The following CEACAM7 variants were observed in gnomAD, a reference collection of about 807,000 sequenced individuals.
The protein encoded by CEACAM7 is cell adhesion molecule CEACAM7.
A neutral mutation model predicts 25.7 loss-of-function variants in CEACAM7; 24 were observed. The observed-to-expected ratio is 0.93, with a 90% CI of 0.68 to 1.31. The LOEUF is 1.31. Ranked by LOEUF, CEACAM7 falls within the 40% of genes most tolerant of loss-of-function variation. The pLI is 0.00. For synonymous variants in CEACAM7, 144 were observed against 129.4 expected (o/e 1.11, Z -0.77); for missense variants, 324 against 330.1 (o/e 0.98, Z 0.14).
At chr19:41,682,437 C>T (rs1307676050) in intron 3 of CEACAM7, among the ~76,000 whole-genome samples, 1 of 152,204 alleles carries the variant, frequency 6.6e-6, no homozygotes, top group Non-Finnish European at 1.5e-5. Flanking sequence ...GTGCTCTGTG[C>T]TGTGTCCACA....
At chr19:41,681,994 G>A (rs1486284728) in intron 3 of CEACAM7, among the ~76,000 whole-genome samples, 1 of 152,136 alleles carries the variant, frequency 6.6e-6, no homozygotes, top group Non-Finnish European at 1.5e-5. Context: ...CACCGAGGCT[G>A]GAATTCAATG....
chr19:41,675,949 A>G (rs183928298), intron 4 of CEACAM7, among the ~76,000 whole-genome samples: 1 of 152,364 alleles, frequency 6.6e-6, no homozygotes, highest in African/African-American at 2.4e-5. Context: ...TTAACATATC[A>G]ATTAAGGTGA....
chr19:41,678,679 A>AT (rs1555810382), intron 3 of CEACAM7, among the ~76,000 whole-genome samples: 3 of 152,200 alleles, frequency 2.0e-5, no homozygotes. Context: ...CGGATCTAGG[A>AT]TTTGCCTCTA....
Position 41,688,090 on chromosome 19 carries a change from T to C in CEACAM7, c.64+12A>G. 1 of 1,607,400 alleles carries C rather than the reference T, an allele frequency of 6.2e-7. No individual in the cohort carries two copies. The highest frequency in any genetic ancestry group is 8.5e-7 in the Non-Finnish European group (1 of 1,176,340). On this transcript the variant is annotated intron_variant, in intron 1 of 4. Transcript: ENST00000401731. ...CCTCCTCCCACCCACTCCCAGGAAG[T>C]CCTCCCCTCACCTGTGAGCAGGAGC...
rs147954221 is a variant in CEACAM7 at position 41,677,051 on chromosome 19, A to C, written c.*36+325T>G. On this transcript the variant is annotated intron_variant, in intron 4 of 4. Transcript: ENST00000401731. ...AGAAAAGAAGTCAAGCAGGACTTCA[A>C]GCAGTTGTTGAGGTTTATGGGAATG... Among the ~76,000 whole-genome samples the C allele has an allele frequency of 1.9e-3, 295 of 152,340 alleles. 1 individual carries two copies. Among genetic ancestry groups the C allele is most frequent in the African/African-American group, 6.3e-3 (261 of 41,568 alleles).
chr19:41,681,331 G>C (rs1023935077), intron 3 of CEACAM7, among the ~76,000 whole-genome samples: 1 of 152,176 alleles, frequency 6.6e-6, no homozygotes, highest in Non-Finnish European at 1.5e-5. Context: ...GCCGGTGGGA[G>C]TGTGAAATGG....
At chr19:41,684,263 G>A (rs2072205598) in intron 2 of CEACAM7, among the ~76,000 whole-genome samples, 200 bp from the exon 3 acceptor site, 2 of 152,224 alleles carry the variant, frequency 1.3e-5, no homozygotes, top group Admixed American at 1.3e-4. Context: ...TTGTCTTAGA[G>A]AAGCACAGAC....
intron 3 of CEACAM7, 124 bp downstream of exon 3, chr19:41,683,661 C>T: frequency 2.1e-6 from 3 of 1,436,502 alleles, no homozygotes; most frequent in Non-Finnish European, 2.8e-6. Flanking sequence ...AAAGTCATGG[C>T]CAGCCTGGGT....
In CEACAM7 at chr19:41,688,140, T is replaced by C. The variant is rs1555811435; in HGVS notation, c.26A>G (p.Tyr9Cys). 1 of 1,612,110 alleles carries C rather than the reference T, an allele frequency of 6.2e-7. No homozygotes were observed. The highest frequency in any genetic ancestry group is 1.3e-5 in the African/African-American group (1 of 74,956). MGSPSACP[Y>C]RVCIPWQGLL... ...CCCCTGCCAGGGAATGCACACTCTG[T>C]ATGGACAGGCTGAAGGGGACCCCAT... Residue 9 changes from tyrosine to cysteine, a missense_variant, in exon 1 of 5, where the codon TAC (tyrosine) becomes TGC (cysteine). Coordinates refer to ENST00000401731, the MANE Select transcript of CEACAM7 (RefSeq NM_001291485.2).
chr19:41,674,886 A>G (rs2072098892), intron 4 of CEACAM7, 147 bp from the exon 5 acceptor site: 1 of 152,458 alleles, frequency 6.6e-6, no homozygotes, highest in African/African-American at 2.4e-5. Context: ...ATCTGTTTAC[A>G]AAATAGGTAG....
In CEACAM7 at chr19:41,683,970, T is replaced by G. The variant is rs782097578; in HGVS notation, c.521A>C (p.Asn174Thr). Residue 174 changes from asparagine to threonine, a missense_variant, in exon 3 of 5, where the codon AAC becomes ACC. Coordinates refer to ENST00000401731, the MANE Select transcript of CEACAM7 (RefSeq NM_001291485.2). ...VVLTCQPETQ[N>T]TTYLWWVNNQ... ...GTTTACCCACCACAGGTAGGTTGTG[T>G]TCTGAGTCTCAGGTTGACAGGTTAA... 3 of 1,614,082 alleles carry G rather than the reference T, an allele frequency of 1.9e-6. No individual in the cohort carries two copies. In the African/African-American group the frequency reaches 4.0e-5, roughly 22 times the overall value.
intron 2 of CEACAM7, among the ~76,000 whole-genome samples, 156 bp downstream of exon 2, chr19:41,686,703 G>A (rs560121470): frequency 6.6e-6 from 1 of 152,272 alleles, no homozygotes; most frequent in South Asian, 2.1e-4. Flanking sequence ...GTCTGTAGAA[G>A]TTTGTCTCCC....
intron 4 of CEACAM7, among the ~76,000 whole-genome samples, chr19:41,675,544 A>G (rs1362775299): frequency 6.6e-6 from 1 of 152,184 alleles, no homozygotes; most frequent in Non-Finnish European, 1.5e-5. Flanking sequence ...TCTTAGCCCA[A>G]TGGTATGATT....
chr19:41,681,951 C>T (rs1330503949), intron 3 of CEACAM7, among the ~76,000 whole-genome samples: 1 of 152,034 alleles, frequency 6.6e-6, no homozygotes, highest in Non-Finnish European at 1.5e-5. Context: ...ATCACTAAAC[C>T]ATACTTTTTT....
At chr19:41,684,881 T>TC (rs2072211813) in intron 2 of CEACAM7, among the ~76,000 whole-genome samples, 1 of 152,222 alleles carries the variant, frequency 6.6e-6, no homozygotes, top group African/African-American at 2.4e-5. Context: ...AATGCTTTCT[T>TC]CCTTTTCTCT....
At position 41,682,058 on chromosome 19, in the gene CEACAM7, G is replaced by A. The variant is rs937213813; in HGVS notation, c.706+1727C>T. 5.3e-5 allele frequency among the ~76,000 whole-genome samples: 8 copies of A among 152,076 alleles called. No homozygotes were observed. The South Asian group carries it at 1.0e-3, about 20-fold the overall frequency. ...CATTCTGGGCTGAAGTGGTCCTCCCGCCTCAGCCCACCAAGTAGTTGGAAC... is the reference window on the plus strand; with the variant it reads ...CATTCTGGGCTGAAGTGGTCCTCCCACCTCAGCCCACCAAGTAGTTGGAAC... On this transcript the variant is annotated intron_variant, in intron 3 of 4. Transcript: ENST00000401731.
In CEACAM7 at chr19:41,681,961, T is replaced by G. The variant is rs1363898376; in HGVS notation, c.706+1824A>C. On this transcript the variant is annotated intron_variant, in intron 3 of 4. Coordinates refer to ENST00000401731, the MANE Select transcript of CEACAM7 (RefSeq NM_001291485.2). ...TTGATATCACTAAACCATACTTTTT[T>G]TGGAGACAGGGTCTCACTCTGTCAC... is the stretch of plus-strand genomic sequence containing the variant. 3.9e-5 allele frequency among the ~76,000 whole-genome samples: 6 copies of G among 152,280 alleles called. No individual in the cohort carries two copies. The East Asian group carries it at 9.6e-4, about 24-fold the overall frequency.
At chr19:41,681,270 A>G (rs536234376) in intron 3 of CEACAM7, among the ~76,000 whole-genome samples, 21 of 152,302 alleles carry the variant, frequency 1.4e-4, no homozygotes, top group African/African-American at 5.1e-4. Flanking sequence ...AAAAAAGAAA[A>G]CACAAAACAT....
At position 41,683,843 on chromosome 19, in the gene CEACAM7, A is replaced by C. The variant is rs1555810914; in HGVS notation, c.648T>G (p.Cys216Trp). 4.3e-6 allele frequency: 7 copies of C among 1,614,058 alleles called. No individual in the cohort carries two copies. The highest frequency in any genetic ancestry group is 5.9e-6 in the Non-Finnish European group (7 of 1,180,026). ...TGGCACCCACTGGGTTCTGTATTTC[A>C]CATTCATAGGGTCCTATGTCATTCT... ...ATKNDIGPYE[C>W]EIQNPVGASR... The change falls in exon 3 of 5, where the codon TGT becomes TGG. Residue 216 changes from cysteine (C) to tryptophan (W), a missense_variant. Transcript: ENST00000401731.
Sources: gnomAD v4.1 joint callset for allele counts (sites outside exome capture counted in the v4.1 genomes callset) on GRCh38, gnomAD v4.1.1 for gene constraint, MANE v1.5 for transcripts, NCBI Gene and HGNC (gene_info 2026-07-23, HGNC 2026-07-21) for gene names.